The following CNTNAP2 variants were observed in gnomAD, a reference collection of about 807,000 sequenced individuals.
CNTNAP2 encodes contactin associated protein 2, also known as contactin-associated protein-like 2.
A neutral mutation model predicts 155.2 loss-of-function variants in CNTNAP2; 98 were observed. That is an observed-to-expected ratio of 0.63 (90% CI 0.54 to 0.75). The LOEUF is 0.75. Ranked by LOEUF, CNTNAP2 falls within the 30% of genes least tolerant of loss-of-function variation. The pLI is 0.00. For missense variants in CNTNAP2, 1,727 were observed against 1,688.1 expected, an observed-to-expected ratio of 1.02 and a Z score of -0.40; for synonymous variants, 651 against 631.2, an observed-to-expected ratio of 1.03 and a Z score of -0.47.
chr7:146,302,854 A>G (rs1212021197), intron 1 of CNTNAP2, among the ~76,000 whole-genome samples: 1 of 152,130 alleles, frequency 6.6e-6, no homozygotes, highest in African/African-American at 2.4e-5. Context: ...CTGGAGACAT[A>G]TTTGTTATTC....
At chr7:147,153,588 A>C (rs753973492) in intron 8 of CNTNAP2, among the ~76,000 whole-genome samples, 8 of 152,168 alleles carry the variant, frequency 5.3e-5, no homozygotes, top group Non-Finnish European at 1.0e-4. Flanking sequence ...AGCCTGACTT[A>C]AGTGTTTGAA....
At chr7:146,686,214 T>C (rs1157517269) in intron 1 of CNTNAP2, among the ~76,000 whole-genome samples, 2 of 152,102 alleles carry the variant, frequency 1.3e-5, no homozygotes, top group East Asian at 3.9e-4. Context: ...GAAGATCCCT[T>C]GAACCCAGGA....
At chr7:148,285,961 G>A (rs923763389) in intron 21 of CNTNAP2, among the ~76,000 whole-genome samples, 34 of 152,142 alleles carry the variant, frequency 2.2e-4, no homozygotes, top group African/African-American at 7.2e-4. Flanking sequence ...GACATATTTT[G>A]TATATGTATT....
intron 13 of CNTNAP2, among the ~76,000 whole-genome samples, chr7:147,886,475 C>CAAAAAAAAAAAAAAAAAAA (rs532837902): frequency 2.5e-5 from 1 of 39,738 alleles, no homozygotes; most frequent in African/African-American, 1.1e-4. Context: ...AACTCCATCT[C>CAAAAAAAAAAAAAAAAAAA]AAAAAAAAAA....
At chr7:146,868,984 C>G (rs576371073) in intron 3 of CNTNAP2, among the ~76,000 whole-genome samples, 96 of 152,248 alleles carry the variant, frequency 6.3e-4, no homozygotes, top group African/African-American at 2.2e-3. Context: ...GACTTCTTGT[C>G]TTCCTATTTG....
intron 1 of CNTNAP2, among the ~76,000 whole-genome samples, chr7:146,416,506 C>T (rs1344858688): frequency 1.3e-5 from 2 of 152,126 alleles, no homozygotes; most frequent in Non-Finnish European, 2.9e-5. Context: ...ATCCTTCTCT[C>T]AGCCTCCTGA....
At chr7:148,332,677 A>G (rs1469782044) in intron 21 of CNTNAP2, among the ~76,000 whole-genome samples, 1 of 152,222 alleles carries the variant, frequency 6.6e-6, no homozygotes, top group Non-Finnish European at 1.5e-5. Flanking sequence ...TCAGTCAGAC[A>G]TGGAAAGAGG....
intron 8 of CNTNAP2, among the ~76,000 whole-genome samples, chr7:147,228,299 A>G (rs1344461720): frequency 6.6e-6 from 1 of 152,222 alleles, no homozygotes. Context: ...GGTTATGATT[A>G]TTTTTAATGA....
chr7:147,739,612 G>T (rs998200563), intron 13 of CNTNAP2, among the ~76,000 whole-genome samples: 5 of 151,820 alleles, frequency 3.3e-5, no homozygotes, highest in African/African-American at 9.7e-5. Context: ...TTATTTCAGA[G>T]AAAATCATCC....
intron 1 of CNTNAP2, among the ~76,000 whole-genome samples, chr7:146,652,130 G>A (rs1006951722): frequency 1.3e-5 from 2 of 151,990 alleles, no homozygotes; most frequent in South Asian, 4.2e-4. Flanking sequence ...AAAGAAAAAA[G>A]TTAAATTCAG....
chr7:147,841,185 C>G (rs1244941580), intron 13 of CNTNAP2, among the ~76,000 whole-genome samples: 1 of 152,098 alleles, frequency 6.6e-6, no homozygotes, highest in East Asian at 1.9e-4. Context: ...CCTGATTGTT[C>G]AGAAAATTGC....
chr7:147,995,017 A>G (rs1301613767), intron 15 of CNTNAP2, among the ~76,000 whole-genome samples: 4 of 152,200 alleles, frequency 2.6e-5, no homozygotes, highest in African/African-American at 9.7e-5. Flanking sequence ...ACCAAACACA[A>G]GCTTCCAAGA....
chr7:146,909,870 G>C (rs2129216477), intron 3 of CNTNAP2, among the ~76,000 whole-genome samples: 1 of 23,828 alleles, frequency 4.2e-5, no homozygotes, highest in African/African-American at 1.4e-4. Flanking sequence ...AATTGTCCCT[G>C]TTTGCAGACG....
At chr7:146,670,770 A>T (rs1449888740) in intron 1 of CNTNAP2, among the ~76,000 whole-genome samples, 4 of 152,122 alleles carry the variant, frequency 2.6e-5, no homozygotes, top group Non-Finnish European at 4.4e-5. Context: ...CAAGGGAAGG[A>T]CTGGAGTGAG....
chr7:147,478,389 G>C (rs984878501), intron 10 of CNTNAP2, among the ~76,000 whole-genome samples: 1 of 152,096 alleles, frequency 6.6e-6, no homozygotes, highest in Non-Finnish European at 1.5e-5. Flanking sequence ...CTGACCTCAG[G>C]TGATCCATCT....
intron 1 of CNTNAP2, among the ~76,000 whole-genome samples, chr7:146,374,192 A>T (rs1231045913): frequency 6.7e-6 from 1 of 149,342 alleles, no homozygotes; most frequent in East Asian, 1.9e-4. Flanking sequence ...TTATGAAAAA[A>T]AAAGTGGCTT....
chr7:148,013,129 C>A (rs998329842), intron 15 of CNTNAP2: 6 of 152,106 alleles, frequency 3.9e-5, no homozygotes, highest in Admixed American at 3.9e-4. Context: ...ATTAAATGTA[C>A]TTTCCTTTTT....
At chr7:147,367,673 T>A (rs943576660) in intron 9 of CNTNAP2, among the ~76,000 whole-genome samples, 2 of 152,140 alleles carry the variant, frequency 1.3e-5, no homozygotes. Context: ...TGGCCACTCA[T>A]CACCTAAATG....
At chr7:147,759,157 A>C (rs1382530338) in intron 13 of CNTNAP2, among the ~76,000 whole-genome samples, 5 of 152,134 alleles carry the variant, frequency 3.3e-5, no homozygotes, top group African/African-American at 1.2e-4. Context: ...CCATGCGTAA[A>C]CCTTTCTATC....
Sources: gnomAD v4.1 joint callset for allele counts (sites outside exome capture counted in the v4.1 genomes callset) on GRCh38, gnomAD v4.1.1 for gene constraint, MANE v1.5 for transcripts, NCBI Gene and HGNC (gene_info 2026-07-23, HGNC 2026-07-21) for gene names.